Variants in SENP6 observed in about 807,000 individuals in gnomAD.
SENP6 encodes the protein SUMO specific peptidase 6.
A neutral mutation model predicts 134.5 loss-of-function variants in SENP6; 41 were observed. The ratio of observed to expected loss-of-function variants is 0.30; its 90% CI spans 0.24 to 0.40. SENP6 has a LOEUF of 0.40. Ranked by LOEUF, SENP6 falls within the 10% of genes least tolerant of loss-of-function variation. SENP6 has a pLI of 1.00. For synonymous variants in SENP6, 395 were observed against 429.8 expected (o/e 0.92, Z 1.00); for missense variants, 1,248 against 1,312.5 (o/e 0.95, Z 0.76).
In SENP6 at chr6:75,643,605, C is replaced by G. The variant is rs150269840; in HGVS notation, c.479+2901C>G. ...GGTGTGATGGCATGCGCCTGTAATCCCAGCTACTCGGGAGGTTGAGACATG... is the reference window on the plus strand; with the variant it reads ...GGTGTGATGGCATGCGCCTGTAATCGCAGCTACTCGGGAGGTTGAGACATG... On this transcript the variant is annotated intron_variant, in intron 6 of 23. Transcript: ENST00000447266. Among the ~76,000 whole-genome samples the G allele has an allele frequency of 6.9e-3, 1,054 of 152,170 alleles. 12 individuals are homozygous for G. Among genetic ancestry groups the G allele is most frequent in the African/African-American group, 0.025 (1,020 of 41,492 alleles).
rs1191626593 is a variant in SENP6 at position 75,702,662 on chromosome 6, C to T, written c.2306C>T (p.Ala769Val). Residue 769 changes from alanine to valine, a missense_variant, in exon 19 of 24, where the codon GCT becomes GTT. Ala to Val is a moderately conservative substitution (Grantham distance 64). This residue lies in a region of SENP6 where 129 missense variants were observed against 192.0 expected (regional missense o/e 0.67). Transcript: ENST00000447266. ...TTTTACAGTGCACACTGGTTTTTGG[C>T]TGTTGTTTGTTTCCCCGGTTTGGAA... is the stretch of plus-strand genomic sequence containing the variant. ...PLNEAAHWFLAVVCFPGLEKP... is the reference protein window; with the variant it reads ...PLNEAAHWFLVVVCFPGLEKP... 2 of 1,591,198 alleles carry T rather than the reference C, an allele frequency of 1.3e-6. No individual in the cohort carries two copies. Among genetic ancestry groups the T allele is most frequent in the African/African-American group, 1.4e-5 (1 of 74,028 alleles).
chr6:75,687,949 G>A (rs940779580), intron 16 of SENP6, among the ~76,000 whole-genome samples: 4 of 139,088 alleles, frequency 2.9e-5, no homozygotes, highest in Non-Finnish European at 6.1e-5. Flanking sequence ...AGACAGGGAT[G>A]TTTAAGTCTG....
At chr6:75,696,838 T>C (rs1054254732) in intron 17 of SENP6, among the ~76,000 whole-genome samples, 1 of 152,182 alleles carries the variant, frequency 6.6e-6, no homozygotes, top group African/African-American at 2.4e-5. Context: ...TTGCTGGTAA[T>C]TGATCAAAAG....
intron 17 of SENP6, among the ~76,000 whole-genome samples, chr6:75,697,030 G>A (rs1774708002): frequency 6.6e-6 from 1 of 152,022 alleles, no homozygotes. Flanking sequence ...TGGCTATATT[G>A]CTTCATCTAC....
At chr6:75,637,948 C>T (rs1215930231) in intron 5 of SENP6, among the ~76,000 whole-genome samples, 1 of 152,106 alleles carries the variant, frequency 6.6e-6, no homozygotes, top group Non-Finnish European at 1.5e-5. Context: ...GCAGCCTCCA[C>T]CTCCTAGGTT....
At chr6:75,701,599 T>TATGACCTA (rs1775031800) in intron 18 of SENP6, among the ~76,000 whole-genome samples, 1 of 148,538 alleles carries the variant, frequency 6.7e-6, no homozygotes, top group South Asian at 2.1e-4. Flanking sequence ...GAAAAAATCA[T>TATGACCTA]ATGACCTAAT....
intron 7 of SENP6, among the ~76,000 whole-genome samples, chr6:75,648,675 C>T (rs1332363819): frequency 1.3e-5 from 2 of 152,152 alleles, no homozygotes; most frequent in Admixed American, 6.5e-5. Flanking sequence ...GTTAAGCTTA[C>T]TAAGTTTATT....
intron 16 of SENP6, among the ~76,000 whole-genome samples, chr6:75,687,637 C>G (rs1364853979): frequency 6.6e-6 from 1 of 152,184 alleles, no homozygotes; most frequent in East Asian, 1.9e-4. Flanking sequence ...TTTGTTGATG[C>G]TATTCCTTTC....
At chr6:75,679,418 C>G (rs1037779318) in intron 16 of SENP6, 2 of 155,438 alleles carry the variant, frequency 1.3e-5, no homozygotes, top group East Asian at 3.8e-4. Flanking sequence ...CACCCACCCC[C>G]GAAAACAGGA....
At chr6:75,613,592 A>T (rs1030771760) in intron 1 of SENP6, among the ~76,000 whole-genome samples, 2 of 152,178 alleles carry the variant, frequency 1.3e-5, no homozygotes, top group Non-Finnish European at 2.9e-5. Flanking sequence ...AAATAGGGGG[A>T]TGTATAAATA....
chr6:75,662,348 T>C (rs1395056735), intron 8 of SENP6, among the ~76,000 whole-genome samples: 1 of 152,152 alleles, frequency 6.6e-6, no homozygotes, highest in Admixed American at 6.6e-5. Context: ...TTGCCCAGGC[T>C]GGTCTTGAAC....
intron 19 of SENP6, 147 bp from the exon 20 acceptor site, chr6:75,709,379 CT>C: frequency 1.9e-6 from 1 of 515,590 alleles, no homozygotes; most frequent in Non-Finnish European, 3.5e-6. Flanking sequence ...AAATAACTTA[CT>C]TTATGTTTGT....
At position 75,717,213 on chromosome 6, in the gene SENP6, T is replaced by TA. The variant is rs1776062084; in HGVS notation, c.*1625dup. 2 of 152,056 alleles carry TA rather than the reference T, an allele frequency of 1.3e-5. No individual in the cohort carries two copies. The highest frequency in any genetic ancestry group is 2.9e-5 in the Non-Finnish European group (2 of 67,900). The allele number at this position is 152,056 out of a possible 1,614,324, so 9.4% of individuals were successfully genotyped here. On this transcript the variant is annotated 3_prime_UTR_variant, in exon 24 of 24. Transcript: ENST00000447266. ...TTTTCAATCTATAATAAAACTGGGA[T>TA]AAAAAATTGAAGTTGTTTTTTTTAA... is the stretch of plus-strand genomic sequence containing the variant.
Position 75,666,768 on chromosome 6 carries a change from A to T in SENP6, c.1051A>T (p.Ile351Leu). Residue 351 changes from isoleucine (I) to leucine (L), a missense_variant, in exon 10 of 24, where the codon ATA (isoleucine) becomes TTA (leucine). Physicochemically the swap from Ile to Leu is conservative, Grantham distance 5. This residue lies in a region of SENP6 where 733 missense variants were observed against 725.4 expected (regional missense o/e 1.01). Coordinates refer to ENST00000447266, the MANE Select transcript of SENP6 (RefSeq NM_015571.4). ...DNDRTNRRES[I>L]SPQPADSACS... ...CGACAGAACTAACAGAAGAGAAAGC[A>T]TATCTCCTCAGCCTGCTGATTCAGC... is the stretch of plus-strand genomic sequence containing the variant. 6.2e-7 allele frequency: 1 copy of T among 1,610,942 alleles called. No homozygotes were observed. The highest frequency in any genetic ancestry group is 8.5e-7 in the Non-Finnish European group (1 of 1,177,558).
In SENP6 at chr6:75,689,794, A is replaced by G. The variant is rs1172918867; in HGVS notation, c.2076-6010A>G. On this transcript the variant is annotated intron_variant, in intron 16 of 23. Coordinates refer to ENST00000447266, the MANE Select transcript of SENP6 (RefSeq NM_015571.4). ...ATATAGCCTAGGTGTATAGGACACT[A>G]TGCCACCTCGGATTGTATAAGTACA... Among the ~76,000 whole-genome samples, 4 of 150,780 alleles carry G rather than the reference A, an allele frequency of 2.7e-5. No individual in the cohort carries two copies. The South Asian group carries it at 6.2e-4, about 23-fold the overall frequency.
chr6:75,622,904 C>A, intron 2 of SENP6: 1 of 884,652 alleles, frequency 1.1e-6, no homozygotes, highest in Non-Finnish European at 1.5e-6. Flanking sequence ...TTCTTTCTTT[C>A]ATTTCTTTTA....
At chr6:75,610,628 G>A (rs549204981) in intron 1 of SENP6, among the ~76,000 whole-genome samples, 34 of 152,270 alleles carry the variant, frequency 2.2e-4, no homozygotes, top group Middle Eastern at 3.4e-3. Context: ...TATCTTCAGA[G>A]TATATGGGGC....
At chr6:75,604,742 C>A (rs921237893) in intron 1 of SENP6, among the ~76,000 whole-genome samples, 1 of 152,090 alleles carries the variant, frequency 6.6e-6, no homozygotes, top group African/African-American at 2.4e-5. Flanking sequence ...CTGCTTATTT[C>A]CCATGATTCT....
intron 11 of SENP6, among the ~76,000 whole-genome samples, chr6:75,674,290 G>C (rs942985868): frequency 6.6e-6 from 1 of 151,654 alleles, no homozygotes; most frequent in Non-Finnish European, 1.5e-5. Flanking sequence ...CAGAGTAGTT[G>C]GGACTATAGG....
Sources: allele counts gnomAD v4.1 joint callset (sites outside exome capture counted in the v4.1 genomes callset), GRCh38; gene constraint gnomAD v4.1.1; regional missense constraint gnomAD v4.1.1; transcripts MANE v1.5; gene names NCBI Gene and HGNC (gene_info 2026-07-23, HGNC 2026-07-21).